The following RALGAPA1 variants were observed in gnomAD, a reference collection of about 807,000 sequenced individuals.
RALGAPA1 encodes ral GTPase-activating protein subunit alpha-1.
A neutral mutation model predicts 269.6 loss-of-function variants in RALGAPA1; 52 were observed. The ratio of observed to expected loss-of-function variants is 0.19; its 90% CI spans 0.15 to 0.24. RALGAPA1 has a LOEUF of 0.24. RALGAPA1 is among the 10% of genes least tolerant of loss of function. The pLI is 1.00. For synonymous variants in RALGAPA1, 817 were observed against 1,008.3 expected, an observed-to-expected ratio of 0.81 and a Z score of 3.60; for missense variants, 1,917 against 3,013.9, an observed-to-expected ratio of 0.64 and a Z score of 8.52.
Position 35,634,772 on chromosome 14 carries a change from G to A in RALGAPA1, c.5812-15C>T. On this transcript the variant is annotated splice_polypyrimidine_tract_variant and intron_variant, in intron 32 of 41. Transcript: ENST00000680220. ...CCATGTAAAACCTGAAAATACAGGGGGAAACACCCAGTTTTACTTAAAAAA... is the reference window on the plus strand; with the variant it reads ...CCATGTAAAACCTGAAAATACAGGGAGAAACACCCAGTTTTACTTAAAAAA... 6 of 1,554,296 alleles carry A rather than the reference G, an allele frequency of 3.9e-6. No homozygotes were observed. The highest frequency in any genetic ancestry group is 2.0e-5 in the Admixed American group (1 of 50,212).
intron 39 of RALGAPA1, among the ~76,000 whole-genome samples, chr14:35,559,199 A>C (rs776959720): frequency 6.6e-6 from 1 of 152,184 alleles, no homozygotes; most frequent in Admixed American, 6.5e-5. Context: ...CCCATACTTT[A>C]ATTTTAATTC....
intron 1 of RALGAPA1, among the ~76,000 whole-genome samples, chr14:35,784,574 T>C (rs2075675205): frequency 6.6e-6 from 1 of 152,172 alleles, no homozygotes; most frequent in African/African-American, 2.4e-5. Flanking sequence ...ACATCCTAAT[T>C]TGTGAGATCT....
At chr14:35,623,198 A>C (rs1200506445) in intron 35 of RALGAPA1, among the ~76,000 whole-genome samples, 1 of 152,160 alleles carries the variant, frequency 6.6e-6, no homozygotes, top group African/African-American at 2.4e-5. Flanking sequence ...CAAAGAAAAA[A>C]ATTGAGAGAA....
chr14:35,789,333 C>T (rs116500331), intron 1 of RALGAPA1, among the ~76,000 whole-genome samples: 1,618 of 151,940 alleles, frequency 0.011, 31 homozygotes, highest in African/African-American at 0.037. Context: ...GTGGCTCAGG[C>T]CTATAATCCC....
At chr14:35,734,980 C>A (rs901327650) in intron 12 of RALGAPA1, among the ~76,000 whole-genome samples, 1 of 150,638 alleles carries the variant, frequency 6.6e-6, no homozygotes, top group Non-Finnish European at 1.5e-5. Flanking sequence ...CAGGGAAATG[C>A]AAATCAAAAC....
chr14:35,576,691 C>T (rs2057584853), intron 37 of RALGAPA1, among the ~76,000 whole-genome samples: 1 of 152,132 alleles, frequency 6.6e-6, no homozygotes. Context: ...TCCACAACAA[C>T]ACTATGAAGT....
intron 31 of RALGAPA1, among the ~76,000 whole-genome samples, chr14:35,641,068 A>G (rs2061996791): frequency 6.6e-6 from 1 of 152,060 alleles, no homozygotes; most frequent in South Asian, 2.1e-4. Flanking sequence ...TCCCCCCACA[A>G]AAAAACTGGG....
At chr14:35,670,854 C>T (rs1035694961) in intron 26 of RALGAPA1, among the ~76,000 whole-genome samples, 1 of 151,134 alleles carries the variant, frequency 6.6e-6, no homozygotes, top group Non-Finnish European at 1.5e-5. Context: ...ACCTGTGAGG[C>T]GGAGGCTGCA....
At chr14:35,687,223 ATAGT>A (rs2066019158) in intron 18 of RALGAPA1, among the ~76,000 whole-genome samples, 1 of 152,208 alleles carries the variant, frequency 6.6e-6, no homozygotes, top group African/African-American at 2.4e-5. Context: ...AAAACCCAAA[ATAGT>A]TATTTTGATT....
chr14:35,808,445 T>TTTCCC (rs1471617602), intron 1 of RALGAPA1, among the ~76,000 whole-genome samples: 3 of 152,160 alleles, frequency 2.0e-5, no homozygotes, highest in African/African-American at 7.2e-5. Flanking sequence ...CAACGCCAGG[T>TTTCCC]CTCCCCACAA....
intron 31 of RALGAPA1, among the ~76,000 whole-genome samples, chr14:35,641,085 C>T (rs1220996812): frequency 2.0e-5 from 3 of 152,034 alleles, no homozygotes; most frequent in Non-Finnish European, 4.4e-5. Context: ...TGGGAAGGAA[C>T]ACACCTCAAC....
At chr14:35,541,890 C>A in intron 41 of RALGAPA1, 1 of 502,240 alleles carries the variant, frequency 2.0e-6, no homozygotes, top group South Asian at 1.5e-5. Context: ...AGACACAGTG[C>A]AGAATTTTCT....
intron 35 of RALGAPA1, 51 bp downstream of exon 35, chr14:35,625,310 A>C: frequency 1.7e-6 from 2 of 1,177,570 alleles, no homozygotes; most frequent in Non-Finnish European, 2.5e-6. Context: ...TTATTCTAAA[A>C]GAGAAATACC....
intron 13 of RALGAPA1, among the ~76,000 whole-genome samples, chr14:35,727,310 C>T (rs1044262223): frequency 3.8e-5 from 4 of 104,486 alleles, no homozygotes; most frequent in African/African-American, 1.2e-4. Context: ...AAAATTATGG[C>T]ATATATATAT....
chr14:35,655,001 A>C (rs908659516), intron 29 of RALGAPA1, among the ~76,000 whole-genome samples: 1 of 152,198 alleles, frequency 6.6e-6, no homozygotes. Flanking sequence ...TTCCAAACTG[A>C]ATCAGCAGTT....
chr14:35,779,259 T>C (rs911005668), intron 1 of RALGAPA1, among the ~76,000 whole-genome samples: 56 of 152,142 alleles, frequency 3.7e-4, no homozygotes, highest in Non-Finnish European at 1.2e-4. Flanking sequence ...GGCAAGGTGG[T>C]TGACATCTGT....
Position 35,741,040 on chromosome 14 carries a change from A to G in RALGAPA1, c.1449+1328T>C, listed in dbSNP as rs905342244. Among the ~76,000 whole-genome samples, 11 of 152,330 alleles carry G rather than the reference A, an allele frequency of 7.2e-5. No homozygotes were observed. In the East Asian group the frequency reaches 2.1e-3, roughly 29 times the overall value. On this transcript the variant is annotated intron_variant, in intron 11 of 41. Coordinates refer to ENST00000680220, the MANE Select transcript of RALGAPA1 (RefSeq NM_001346249.2). Reference sequence around the variant, plus strand: ...TCTAATGGCAGCCAGTGCTGGTTACACTACTTGAGTAACGAATAGAACAAA... The same window carrying G: ...TCTAATGGCAGCCAGTGCTGGTTACGCTACTTGAGTAACGAATAGAACAAA...
chr14:35,676,997 A>G (rs1268320859), intron 22 of RALGAPA1: 3 of 152,216 alleles, frequency 2.0e-5, no homozygotes, highest in Admixed American at 6.5e-5. Context: ...GAAATAATCC[A>G]CAAACCAGAA....
intron 17 of RALGAPA1, among the ~76,000 whole-genome samples, chr14:35,698,604 T>C (rs777823099): frequency 2.8e-4 from 43 of 152,098 alleles, no homozygotes; most frequent in Non-Finnish European, 5.7e-4. Flanking sequence ...AATGGAAGTG[T>C]TCAAAGCTCA....
Sources: allele counts gnomAD v4.1 joint callset (sites outside exome capture counted in the v4.1 genomes callset), GRCh38; gene constraint gnomAD v4.1.1; transcripts MANE v1.5; gene names NCBI Gene and HGNC (gene_info 2026-07-23, HGNC 2026-07-21).